DCLK2: variants seen among roughly 807,000 people sequenced by gnomAD.
DCLK2 encodes doublecortin like kinase 2.
In DCLK2, 31 loss-of-function variants were observed where a neutral mutation model predicts 78.4. The observed-to-expected ratio is 0.40, with a 90% CI of 0.30 to 0.53. The LOEUF is 0.53. Among genes scored for constraint, DCLK2 ranks in the 20% least tolerant of loss-of-function variants. DCLK2 has a pLI of 0.61. For synonymous variants in DCLK2, 407 were observed against 374.9 expected (o/e 1.09, Z -0.99); for missense variants, 872 against 973.7 (o/e 0.90, Z 1.39).
At chr4:150,146,933 A>T (rs1330051470) in intron 2 of DCLK2, among the ~76,000 whole-genome samples, 1 of 151,766 alleles carries the variant, frequency 6.6e-6, no homozygotes, top group Non-Finnish European at 1.5e-5. Flanking sequence ...TGTCTGTAAG[A>T]TGGAGATAAT....
intron 6 of DCLK2, 46 bp from the exon 7 acceptor site, chr4:150,221,631 A>G (rs1362879014): frequency 1.6e-6 from 2 of 1,255,114 alleles, no homozygotes; most frequent in East Asian, 5.1e-5. Context: ...GAATCTGTAT[A>G]AAATGCTGAT....
chr4:150,173,307 T>C (rs1471711032), intron 2 of DCLK2, among the ~76,000 whole-genome samples: 5 of 152,212 alleles, frequency 3.3e-5, no homozygotes, highest in Non-Finnish European at 5.9e-5. Context: ...GGATAGTCTC[T>C]GACTTTTGGA....
At chr4:150,221,150 T>C (rs1311790160) in intron 6 of DCLK2, among the ~76,000 whole-genome samples, 1 of 152,210 alleles carries the variant, frequency 6.6e-6, no homozygotes, top group Non-Finnish European at 1.5e-5. Context: ...TGGGCAGATC[T>C]TAACCCTTCC....
At chr4:150,106,391 A>G (rs1382163515) in intron 2 of DCLK2, among the ~76,000 whole-genome samples, 1 of 152,204 alleles carries the variant, frequency 6.6e-6, no homozygotes, top group African/African-American at 2.4e-5. Context: ...CCAAGAAGCA[A>G]TTCTACATGT....
At chr4:150,212,217 T>A (rs886414004) in intron 5 of DCLK2, among the ~76,000 whole-genome samples, 2 of 152,188 alleles carry the variant, frequency 1.3e-5, no homozygotes, top group Admixed American at 6.5e-5. Flanking sequence ...TTATGAACTG[T>A]CTGATGTGCT....
At chr4:150,192,765 G>A (rs1738561171) in intron 2 of DCLK2, among the ~76,000 whole-genome samples, 1 of 152,168 alleles carries the variant, frequency 6.6e-6, no homozygotes, top group Non-Finnish European at 1.5e-5. Flanking sequence ...GAGTTGTTAG[G>A]AGAGGGAAGA....
At chr4:150,104,778 A>G (rs564169451) in intron 2 of DCLK2, among the ~76,000 whole-genome samples, 1 of 152,170 alleles carries the variant, frequency 6.6e-6, no homozygotes, top group Non-Finnish European at 1.5e-5. Flanking sequence ...ATTACACTAA[A>G]AAAAAAATTT....
chr4:150,097,806 A>G (rs544137718), intron 1 of DCLK2, among the ~76,000 whole-genome samples: 1 of 152,300 alleles, frequency 6.6e-6, no homozygotes, highest in East Asian at 1.9e-4. Flanking sequence ...CTTTGTATAT[A>G]GTACTCATAT....
intron 8 of DCLK2, among the ~76,000 whole-genome samples, chr4:150,228,002 G>C (rs1741743212): frequency 6.6e-6 from 1 of 152,194 alleles, no homozygotes; most frequent in Non-Finnish European, 1.5e-5. Flanking sequence ...GGGAGAATCT[G>C]TTCCTTGCCT....
chr4:150,085,896 C>T (rs766446017), intron 1 of DCLK2, among the ~76,000 whole-genome samples: 10 of 152,164 alleles, frequency 6.6e-5, no homozygotes, highest in African/African-American at 9.7e-5. Flanking sequence ...AGTCTTCTTT[C>T]GCCTCTAAAG....
intron 2 of DCLK2, among the ~76,000 whole-genome samples, chr4:150,117,610 G>A (rs1560786002): frequency 6.6e-6 from 1 of 152,186 alleles, no homozygotes; most frequent in Non-Finnish European, 1.5e-5. Context: ...CCCCTGTGAG[G>A]TGGGATCAGA....
chr4:150,200,862 A>T (rs1241110487), intron 4 of DCLK2, among the ~76,000 whole-genome samples: 1 of 152,260 alleles, frequency 6.6e-6, no homozygotes, highest in East Asian at 1.9e-4. Context: ...ACTCTTGCCC[A>T]GGCTGGAGTG....
intron 1 of DCLK2, among the ~76,000 whole-genome samples, chr4:150,095,721 C>A (rs115955912): frequency 6.6e-6 from 1 of 152,210 alleles, no homozygotes; most frequent in Non-Finnish European, 1.5e-5. Context: ...TCAGTTTTTC[C>A]TAAGTGATTT....
intron 15 of DCLK2, among the ~76,000 whole-genome samples, chr4:150,254,762 C>T (rs555506345): frequency 6.6e-6 from 1 of 152,204 alleles, no homozygotes; most frequent in East Asian, 1.9e-4. Context: ...CTCACTGTAT[C>T]CTCAAACTCC....
At chr4:150,151,934 A>AAT (rs1553961458) in intron 2 of DCLK2, among the ~76,000 whole-genome samples, 4 of 151,750 alleles carry the variant, frequency 2.6e-5, no homozygotes, top group African/African-American at 4.8e-5. Context: ...CAAAAAAAAA[A>AAT]AATAATAATA....
intron 2 of DCLK2, among the ~76,000 whole-genome samples, chr4:150,182,091 A>G (rs567180050): frequency 6.6e-6 from 1 of 151,450 alleles, no homozygotes; most frequent in African/African-American, 2.4e-5. Flanking sequence ...TCTCTTGTCC[A>G]GGCTGGAGTG....
chr4:150,170,388 T>C (rs28620740), intron 2 of DCLK2, among the ~76,000 whole-genome samples: 5,017 of 152,206 alleles, frequency 0.033, 263 homozygotes, highest in African/African-American at 0.11. Context: ...AATAACCCTG[T>C]TGATATTTAG....
intron 15 of DCLK2, chr4:150,253,821 G>A (rs1023952303): frequency 2.1e-5 from 21 of 985,378 alleles, no homozygotes; most frequent in Non-Finnish European, 2.4e-5. Flanking sequence ...TCCTACCGAT[G>A]CTGTTTCCCA....
At chr4:150,195,848 A>G (rs1738992367) in intron 3 of DCLK2, among the ~76,000 whole-genome samples, 1 of 151,976 alleles carries the variant, frequency 6.6e-6, no homozygotes, top group African/African-American at 2.4e-5. Context: ...AATAATGGCT[A>G]TAAGGTTTTC....
Sources: allele counts gnomAD v4.1 joint callset (sites outside exome capture counted in the v4.1 genomes callset), GRCh38; gene constraint gnomAD v4.1.1; transcripts MANE v1.5; gene names NCBI Gene and HGNC (gene_info 2026-07-23, HGNC 2026-07-21).